Variants in MGAT3 observed in about 807,000 individuals in gnomAD.
The protein encoded by MGAT3 is GlcNAc-T III.
Under a neutral mutation model 29.8 loss-of-function variants are expected in MGAT3, and 9 were observed. The ratio of observed to expected loss-of-function variants is 0.30; its 90% CI spans 0.18 to 0.53. The LOEUF is 0.53. Among genes scored for constraint, MGAT3 ranks in the 20% least tolerant of loss-of-function variants. The pLI is 0.96. For synonymous variants in MGAT3, 397 were observed against 348.9 expected, an observed-to-expected ratio of 1.14 and a Z score of -1.54; for missense variants, 557 against 769.5, an observed-to-expected ratio of 0.72 and a Z score of 3.27.
At chr22:39,473,871 G>A (rs1004459268) in intron 1 of MGAT3, among the ~76,000 whole-genome samples, 1 of 152,116 alleles carries the variant, frequency 6.6e-6, no homozygotes, top group Admixed American at 6.5e-5. Context: ...ATGGAGGTGT[G>A]TGGGCAGGGG....
At position 39,490,942 on chromosome 22, in the gene MGAT3, G is replaced by C. The variant is rs541533597; in HGVS notation, c.*1993G>C. 34 of 167,092 alleles carry C rather than the reference G, an allele frequency of 2.0e-4. No homozygotes were observed. The highest frequency in any genetic ancestry group is 4.0e-4 in the Non-Finnish European group (27 of 68,146). 10.4% of individuals were successfully genotyped at this position (167,092 alleles called of 1,614,324 possible). On this transcript the variant is annotated 3_prime_UTR_variant, in exon 2 of 2. Transcript: ENST00000341184. ...GCTAAAGGGGATGCAGGGTCTGTCT[G>C]TCTGTCTGTCTTTCAGTCTGAGGAA...
At position 39,489,897 on chromosome 22, in the gene MGAT3, G is replaced by T. The variant is rs1284350943; in HGVS notation, c.*948G>T. 1 of 167,510 alleles carries T rather than the reference G, an allele frequency of 6.0e-6. No homozygotes were observed. Among genetic ancestry groups the T allele is most frequent in the Non-Finnish European group, 1.5e-5 (1 of 68,340 alleles). The allele number at this position is 167,510 out of a possible 1,614,324, so 10.4% of individuals were successfully genotyped here. A position where few individuals can be genotyped will look rare whatever the true frequency, so the allele number is the denominator to read the frequency against. On this transcript the variant is annotated 3_prime_UTR_variant, in exon 2 of 2. Transcript: ENST00000341184. Reference sequence around the variant, plus strand: ...CCAGCTGTCCACTGTCCCAGGTGCAGTCACTGTTGTGCCCTTCCTTGGGGC... The same window carrying T: ...CCAGCTGTCCACTGTCCCAGGTGCATTCACTGTTGTGCCCTTCCTTGGGGC...
At chr22:39,467,061 T>C (rs1242234011) in intron 1 of MGAT3, among the ~76,000 whole-genome samples, 2 of 152,256 alleles carry the variant, frequency 1.3e-5, no homozygotes, top group Admixed American at 1.3e-4. Context: ...TTTGCTTGCA[T>C]GTGTTTTGTG....
At position 39,488,376 on chromosome 22, in the gene MGAT3, C is replaced by T. The variant is rs760962479; in HGVS notation, c.1029C>T (p.His343=). The change falls in exon 2 of 2, where the codon CAC becomes CAT. Residue 343 remains histidine, a synonymous_variant. Transcript: ENST00000341184. ...GCTGGACCGAGCCCTTCGCCTTCCA[C>T]ATGCGCAAGTCGCTCTACGGCTTCT... is the stretch of plus-strand genomic sequence containing the variant. The part of the protein sequence containing the change: ...YDGWTEPFAF[H]MRKSLYGFFW... The T allele has an allele frequency of 1.9e-6, 3 of 1,612,996 alleles. No homozygotes were observed. Among genetic ancestry groups the T allele is most frequent in the Non-Finnish European group, 2.5e-6 (3 of 1,180,026 alleles).
Position 39,489,649 on chromosome 22 carries a change from G to A in MGAT3, c.*700G>A, listed in dbSNP as rs533704932. ...CTGTCGTGAGCCAACACAGGGGCCT[G>A]GAGAACCCTGAGGAGCTTTCCTTTT... On this transcript the variant is annotated 3_prime_UTR_variant, in exon 2 of 2. Coordinates refer to ENST00000341184, the MANE Select transcript of MGAT3 (RefSeq NM_002409.5). 1.1e-4 allele frequency: 18 copies of A among 167,780 alleles called. No individual in the cohort carries two copies. The highest frequency in any genetic ancestry group is 4.3e-4 in the African/African-American group (18 of 41,564). The allele number at this position is 167,780 out of a possible 1,614,324, so 10.4% of individuals were successfully genotyped here.
Position 39,491,091 on chromosome 22 carries a change from T to A in MGAT3, c.*2142T>A, listed in dbSNP as rs149017952. The A allele has an allele frequency of 8.0e-3, 1,336 of 167,128 alleles. 8 individuals carry two copies. The highest frequency in any genetic ancestry group is 0.014 in the Non-Finnish European group (954 of 68,148). The allele number at this position is 167,128 out of a possible 1,614,324, so 10.4% of individuals were successfully genotyped here. ...CCTCCAGTGGGGCTTTCTCCAGATG[T>A]CTTATGGTTGGGGGTTTCCTGATGG... On this transcript the variant is annotated 3_prime_UTR_variant, in exon 2 of 2. Coordinates refer to ENST00000341184, the MANE Select transcript of MGAT3 (RefSeq NM_002409.5). This position sits in a 1 kb window ranked among gnomAD's most constrained non-coding sequence, Gnocchi z 5.5.
chr22:39,468,251 G>T (rs1184080363), intron 1 of MGAT3, among the ~76,000 whole-genome samples: 1 of 152,210 alleles, frequency 6.6e-6, no homozygotes, highest in Non-Finnish European at 1.5e-5. Flanking sequence ...CTCCTGCCCA[G>T]GAGCTGCAGG....
rs142411067 is a variant in MGAT3, at chr22:39,466,997, T to C, written c.-2+9440T>C. 4.5e-3 allele frequency among the ~76,000 whole-genome samples: 684 copies of C among 152,350 alleles called. 4 individuals carry two copies. Among genetic ancestry groups the C allele is most frequent in the African/African-American group, 0.016 (673 of 41,580 alleles). On this transcript the variant is annotated intron_variant, in intron 1 of 1. Transcript: ENST00000341184. ...TAAGTGCCTATTGTGCGCCGGTGAC[T>C]GAGCTAGGTGGCAGGGGCACAGCTC...
chr22:39,477,092 C>T (rs1014490103), intron 1 of MGAT3, among the ~76,000 whole-genome samples: 10 of 152,206 alleles, frequency 6.6e-5, no homozygotes, highest in African/African-American at 2.4e-4. Context: ...TGCCGACTCC[C>T]TCTGCCATAC....
chr22:39,474,796 C>T (rs1928905347), intron 1 of MGAT3, among the ~76,000 whole-genome samples: 1 of 152,246 alleles, frequency 6.6e-6, no homozygotes, highest in Non-Finnish European at 1.5e-5. Context: ...TCTGGCCTGG[C>T]CTGTTCCCCC....
intron 1 of MGAT3, among the ~76,000 whole-genome samples, chr22:39,461,723 A>G (rs1928502449): frequency 6.6e-6 from 1 of 151,832 alleles, no homozygotes; most frequent in Non-Finnish European, 1.5e-5. Flanking sequence ...AGACAGACCC[A>G]TCTCCCCTTC....
chr22:39,474,067 C>T (rs920228031), intron 1 of MGAT3, among the ~76,000 whole-genome samples: 8 of 152,032 alleles, frequency 5.3e-5, no homozygotes, highest in Non-Finnish European at 1.0e-4. Context: ...CCAGGGTGAC[C>T]CGTTCCTGTT....
intron 1 of MGAT3, among the ~76,000 whole-genome samples, chr22:39,469,573 C>G (rs989899890): frequency 6.6e-6 from 1 of 152,176 alleles, no homozygotes; most frequent in Non-Finnish European, 1.5e-5. Flanking sequence ...TGGACCAGAC[C>G]TCCACCTGCC....
In MGAT3 at chr22:39,481,326, C is replaced by T. The variant is rs539982888; in HGVS notation, c.-1-6021C>T. On this transcript the variant is annotated intron_variant, in intron 1 of 1. Transcript: ENST00000341184. ...TCATCACTGGACATAATGACGCACT[C>T]GCTCCTGCCCGTTACCCGCTTTGTC... 2.6e-5 allele frequency among the ~76,000 whole-genome samples: 4 copies of T among 152,370 alleles called. No homozygotes were observed. In the East Asian group the frequency reaches 5.8e-4, roughly 22 times the overall value.
intron 1 of MGAT3, among the ~76,000 whole-genome samples, chr22:39,474,453 C>T (rs543820449): frequency 2.6e-5 from 4 of 152,292 alleles, no homozygotes. Context: ...CTGTCACTTG[C>T]CAGCTGCGAG....
intron 1 of MGAT3, chr22:39,486,268 C>T (rs928149239): frequency 1.7e-4 from 64 of 367,002 alleles, no homozygotes; most frequent in East Asian, 1.8e-4. Context: ...CTGCCTCAGC[C>T]GGTATAGCTG....
In MGAT3 at chr22:39,457,848, C is replaced by T. The variant is rs1186417904; in HGVS notation, c.-2+291C>T. On this transcript the variant is annotated intron_variant, in intron 1 of 1. Transcript: ENST00000341184. The surrounding 1 kb of genome is among the most constrained non-coding windows in gnomAD (Gnocchi z 6.8). ...CGCCCGACCCCCTCCCACGGCCGGG[C>T]GGGGGACGTCCCCGAGGCGCGGGGC... Among the ~76,000 whole-genome samples the T allele has an allele frequency of 6.6e-6, 1 of 151,352 alleles. No individual in the cohort carries two copies. Among genetic ancestry groups the T allele is most frequent in the African/African-American group, 2.4e-5 (1 of 41,342 alleles).
intron 1 of MGAT3, chr22:39,475,925 A>T (rs1225319805): frequency 6.6e-6 from 1 of 152,338 alleles, no homozygotes; most frequent in East Asian, 1.9e-4. Context: ...AGCCTGGGTA[A>T]CATAGGTCTC....
intron 1 of MGAT3, among the ~76,000 whole-genome samples, chr22:39,461,568 C>T (rs1235187685): frequency 6.6e-6 from 1 of 152,146 alleles, no homozygotes; most frequent in Non-Finnish European, 1.5e-5. Context: ...CCAAGCAGGT[C>T]CCAAACCTCA....
Sources: gnomAD v4.1 joint callset for allele counts (sites outside exome capture counted in the v4.1 genomes callset) on GRCh38, gnomAD v4.1.1 for gene constraint, Gnocchi (gnomAD v3.1) non-coding constraint, MANE v1.5 for transcripts, NCBI Gene and HGNC (gene_info 2026-07-23, HGNC 2026-07-21) for gene names.